ADGRL2: variants seen among roughly 807,000 people sequenced by gnomAD.
ADGRL2 encodes calcium-independent alpha-latrotoxin receptor 2.
In ADGRL2, 44 loss-of-function variants were observed where a neutral mutation model predicts 157.4. That is an observed-to-expected ratio of 0.28 (90% CI 0.22 to 0.36). The LOEUF (loss-of-function observed/expected upper bound fraction) is 0.36, where lower values mean the gene tolerates loss of function less well. Among genes scored for constraint, ADGRL2 ranks in the 10% least tolerant of loss-of-function variants. ADGRL2 has a pLI of 1.00. For synonymous variants in ADGRL2, 585 were observed against 624.7 expected (o/e 0.94, Z 0.95); for missense variants, 1,510 against 1,768.9 (o/e 0.85, Z 2.63).
chr1:81,929,634 G>A (rs2095184402), intron 3 of ADGRL2, among the ~76,000 whole-genome samples: 1 of 152,136 alleles, frequency 6.6e-6, no homozygotes, highest in African/African-American at 2.4e-5. Flanking sequence ...GTTGGGCATT[G>A]TACAATTCAA....
chr1:81,596,453 G>C (rs1004065951), intron 3 of ADGRL2: 11 of 452,150 alleles, frequency 2.4e-5, no homozygotes, highest in African/African-American at 1.8e-4. Context: ...TTCGAATTCA[G>C]TGAATTGTCA....
intron 3 of ADGRL2, among the ~76,000 whole-genome samples, chr1:81,674,355 G>A (rs912089155): frequency 8.5e-5 from 13 of 152,158 alleles, no homozygotes; most frequent in Non-Finnish European, 1.8e-4. Context: ...TCTAATGCAC[G>A]TAGAACACTT....
intron 1 of ADGRL2, among the ~76,000 whole-genome samples, chr1:81,389,476 T>G (rs1342635240): frequency 6.6e-6 from 1 of 152,142 alleles, no homozygotes. Context: ...CAAAGAAGTT[T>G]AAAAAGTTAA....
intron 2 of ADGRL2, among the ~76,000 whole-genome samples, chr1:81,903,712 TCATTATATATATATATA>T (rs2094529219): frequency 1.5e-5 from 2 of 136,080 alleles, no homozygotes; most frequent in East Asian, 3.2e-4. Context: ...ATATATATAT[TCATTATATATATATATA>T]CATTATATAT....
chr1:81,472,646 GAAAGGA>G (rs1022224674), intron 2 of ADGRL2, among the ~76,000 whole-genome samples: 1 of 151,994 alleles, frequency 6.6e-6, no homozygotes, highest in African/African-American at 2.4e-5. Context: ...AAAAGGAAAG[GAAAGGA>G]AAGGGAAAGG....
chr1:81,846,745 GC>G (rs1290836846), intron 2 of ADGRL2, among the ~76,000 whole-genome samples: 2 of 151,886 alleles, frequency 1.3e-5, no homozygotes, highest in African/African-American at 4.8e-5. Flanking sequence ...TGTTAGATAT[GC>G]CTATATGAAG....
intron 2 of ADGRL2, among the ~76,000 whole-genome samples, chr1:81,499,694 C>T (rs2078803270): frequency 1.3e-5 from 2 of 152,200 alleles, no homozygotes. Flanking sequence ...ATTGATTCCA[C>T]TACTAGCAAG....
At chr1:81,791,096 T>TGTGAGCAG (rs937998617) in intron 2 of ADGRL2, among the ~76,000 whole-genome samples, 1 of 111,034 alleles carries the variant, frequency 9.0e-6, no homozygotes, top group Admixed American at 9.1e-5. Flanking sequence ...AAAAAAAGAA[T>TGTGAGCAG]GTGAGCAGGG....
intron 2 of ADGRL2, among the ~76,000 whole-genome samples, chr1:81,788,235 A>G (rs2087152068): frequency 6.6e-6 from 1 of 152,192 alleles, no homozygotes; most frequent in African/African-American, 2.4e-5. Context: ...TGTCCCCTCC[A>G]AATCTCATGT....
intron 3 of ADGRL2, among the ~76,000 whole-genome samples, chr1:81,603,097 C>T (rs535087904): frequency 1.3e-5 from 2 of 152,100 alleles, no homozygotes; most frequent in Non-Finnish European, 2.9e-5. Context: ...TTCTCCCTCT[C>T]TCCCTCACAC....
At chr1:81,440,659 C>T (rs1169738935) in intron 1 of ADGRL2, among the ~76,000 whole-genome samples, 2 of 152,196 alleles carry the variant, frequency 1.3e-5, no homozygotes, top group Admixed American at 1.3e-4. Context: ...ACACATCAAA[C>T]ACAATGCACC....
At chr1:81,690,295 C>T (rs762918650) in intron 3 of ADGRL2, among the ~76,000 whole-genome samples, 8 of 152,154 alleles carry the variant, frequency 5.3e-5, no homozygotes, top group Non-Finnish European at 7.3e-5. Flanking sequence ...GAGTTTGAGA[C>T]CAACCTGGCC....
At chr1:81,508,063 A>G (rs1432307100) in intron 2 of ADGRL2, among the ~76,000 whole-genome samples, 1 of 152,224 alleles carries the variant, frequency 6.6e-6, no homozygotes. Flanking sequence ...ATTTATTAGC[A>G]TGAATTCTAT....
At chr1:81,768,142 C>G (rs757523211) in intron 2 of ADGRL2, among the ~76,000 whole-genome samples, 62 of 151,970 alleles carry the variant, frequency 4.1e-4, no homozygotes, top group Non-Finnish European at 8.4e-4. Context: ...AACTCCTGGG[C>G]TCAAGTGATC....
At chr1:81,490,940 G>A (rs2078618992) in intron 2 of ADGRL2, among the ~76,000 whole-genome samples, 1 of 152,054 alleles carries the variant, frequency 6.6e-6, no homozygotes, top group African/African-American at 2.4e-5. Context: ...CTAAAGTAAG[G>A]CACTATTGAC....
intron 2 of ADGRL2, among the ~76,000 whole-genome samples, chr1:81,793,920 A>G (rs1287983426): frequency 2.6e-5 from 4 of 152,146 alleles, no homozygotes; most frequent in Non-Finnish European, 4.4e-5. Context: ...GATAAATGAT[A>G]GTCTTCTTGG....
chr1:81,819,589 A>G (rs1423230453), intron 1 of ADGRL2, among the ~76,000 whole-genome samples: 2 of 152,150 alleles, frequency 1.3e-5, no homozygotes, highest in Admixed American at 6.6e-5. Context: ...TTTTTTTTAA[A>G]TACTCACATA....
intron 1 of ADGRL2, among the ~76,000 whole-genome samples, chr1:81,430,701 C>A (rs2077304099): frequency 6.6e-6 from 1 of 151,980 alleles, no homozygotes; most frequent in African/African-American, 2.4e-5. Flanking sequence ...TTTTTAATAG[C>A]CTAACTTGGC....
chr1:81,555,730 C>T lies in ADGRL2; in HGVS notation c.-247-25146C>T, dbSNP rs150166890. On this transcript the variant is annotated intron_variant, in intron 2 of 24. Transcript: ENST00000370721. ...CTGCAGCCCCTCCTCACCCTCACTG[C>T]GACACCCCAGTCTCTTGGAATCAAA... is the stretch of plus-strand genomic sequence containing the variant. Among the ~76,000 whole-genome samples the T allele has an allele frequency of 4.4e-3, 663 of 152,252 alleles. 7 individuals are homozygous for T. Among genetic ancestry groups the T allele is most frequent in the African/African-American group, 0.015 (642 of 41,532 alleles).
Sources: gnomAD v4.1 joint callset for allele counts (sites outside exome capture counted in the v4.1 genomes callset) on GRCh38, gnomAD v4.1.1 for gene constraint, MANE v1.5 for transcripts, NCBI Gene and HGNC (gene_info 2026-07-23, HGNC 2026-07-21) for gene names.